The following BTNL8 variants were observed in gnomAD, a reference collection of about 807,000 sequenced individuals.
BTNL8 encodes the protein butyrophilin-like protein 8.
BTNL8 carries 22 observed loss-of-function variants against 36.1 expected under a neutral mutation model. The observed-to-expected ratio is 0.61, with a 90% CI of 0.44 to 0.87. The LOEUF (loss-of-function observed/expected upper bound fraction) is 0.87. Among genes scored for constraint, BTNL8 ranks in the 40% least tolerant of loss-of-function variants. The probability of loss-of-function intolerance (pLI) is 0.00; values close to 1 mark genes in which losing one functional copy is unlikely to be tolerated. For missense variants in BTNL8, 526 were observed against 616.9 expected (o/e 0.85, Z 1.56); for synonymous variants, 203 against 235.6 (o/e 0.86, Z 1.27).
chr5:180,908,632 G>C lies in BTNL8; in HGVS notation c.96G>C (p.Val32=), dbSNP rs368597376. The part of the protein sequence containing the change: ...FGPDKPVQAL[V]GEDAAFSCFL... Reference sequence around the variant, plus strand: ...CAGACAAGCCTGTCCAGGCCTTGGTGGGGGAGGACGCAGCATTCTCCTGTT... The same window carrying C: ...CAGACAAGCCTGTCCAGGCCTTGGTCGGGGAGGACGCAGCATTCTCCTGTT... The change falls in exon 2 of 8, where the codon GTG becomes GTC. Residue 32 remains valine (V), a synonymous_variant. Coordinates refer to ENST00000340184, the MANE Select transcript of BTNL8 (RefSeq NM_001040462.3). 14 of 1,614,096 alleles carry C rather than the reference G, an allele frequency of 8.7e-6. No individual in the cohort carries two copies. The highest frequency in any genetic ancestry group is 8.0e-5 in the African/African-American group (6 of 74,928).
intron 1 of BTNL8, among the ~76,000 whole-genome samples, chr5:180,906,006 G>T (rs1757064359): frequency 7.1e-6 from 1 of 140,832 alleles, no homozygotes. Context: ...CTGTTGATTT[G>T]CGGTGGAGAG....
At chr5:180,910,249 GA>G (rs145852463) in intron 2 of BTNL8, among the ~76,000 whole-genome samples, 9 of 142,534 alleles carry the variant, frequency 6.3e-5, no homozygotes, top group East Asian at 2.0e-4. Flanking sequence ...AAAGCAAAAA[GA>G]AAAAAAAAAA....
intron 3 of BTNL8, among the ~76,000 whole-genome samples, chr5:180,934,630 A>G (rs1758559919): frequency 6.6e-6 from 1 of 152,202 alleles, no homozygotes; most frequent in East Asian, 1.9e-4. Context: ...GTGTGGCTAG[A>G]TCAGATGCAC....
rs1238353969 is a variant in BTNL8 at position 180,908,824 on chromosome 5, C to T, written c.288C>T (p.Arg96=). The T allele has an allele frequency of 6.2e-7, 1 of 1,614,138 alleles. No individual in the cohort carries two copies. The highest frequency in any genetic ancestry group is 2.2e-5 in the East Asian group (1 of 44,872). ...TGAAGGATTCTATTGCGGAGGGGCG[C>T]ATCTCTCTGAGGCTGGAAAACATTA... ...KLVKDSIAEG[R]ISLRLENITV... is the part of the protein sequence containing the mutation. Residue 96 remains arginine, a synonymous_variant, in exon 2 of 8, where the codon CGC becomes CGT. Coordinates refer to ENST00000340184, the MANE Select transcript of BTNL8 (RefSeq NM_001040462.3).
chr5:180,936,334 A>T (rs956380152), intron 3 of BTNL8, among the ~76,000 whole-genome samples: 2 of 152,184 alleles, frequency 1.3e-5, no homozygotes, highest in Non-Finnish European at 2.9e-5. Flanking sequence ...CATCTTATAT[A>T]TAGAAAATCC....
intron 7 of BTNL8, chr5:180,949,610 G>A: frequency 1.9e-6 from 1 of 528,260 alleles, no homozygotes; most frequent in Non-Finnish European, 3.3e-6. Flanking sequence ...GTTAGATAGT[G>A]GGGTCCCTCC....
At chr5:180,920,110 G>C (rs1355566134) in intron 3 of BTNL8, among the ~76,000 whole-genome samples, 2 of 152,140 alleles carry the variant, frequency 1.3e-5, no homozygotes, top group Non-Finnish European at 2.9e-5. Flanking sequence ...CATACTACCT[G>C]ATTTCAAATT....
chr5:180,900,428 G>A (rs141255032), intron 1 of BTNL8, among the ~76,000 whole-genome samples: 1 of 152,340 alleles, frequency 6.6e-6, no homozygotes, highest in East Asian at 1.9e-4. Context: ...AGCTGCACGG[G>A]TGCATGGCAT....
At chr5:180,941,110 G>GAGGAAGGA (rs1177352611) in intron 3 of BTNL8, among the ~76,000 whole-genome samples, 16,543 of 125,424 alleles carry the variant, frequency 0.13, 1,437 homozygotes, top group Middle Eastern at 0.2. Flanking sequence ...GGAAGGAAGG[G>GAGGAAGGA]AGGAAGGAAG....
intron 3 of BTNL8, among the ~76,000 whole-genome samples, chr5:180,925,673 A>G (rs889825852): frequency 6.6e-6 from 1 of 152,216 alleles, no homozygotes; most frequent in African/African-American, 2.4e-5. Flanking sequence ...TAACTAAAAC[A>G]AAAGGATTAT....
intron 3 of BTNL8, among the ~76,000 whole-genome samples, chr5:180,928,153 A>T (rs1251166542): frequency 1.3e-5 from 2 of 152,248 alleles, no homozygotes; most frequent in Non-Finnish European, 2.9e-5. Flanking sequence ...AAACCCTACA[A>T]GCCAGAAGAG....
Position 180,908,744 on chromosome 5 carries a change from G to A in BTNL8, c.208G>A (p.Gly70Arg), listed in dbSNP as rs139672035. Reference protein sequence around the residue: ...FSSVVHLYRDGKDQPFMQMPQ... With the variant: ...FSSVVHLYRDRKDQPFMQMPQ... ...TAGCGTGGTCCACCTCTACAGGGAC[G>A]GGAAGGACCAGCCATTTATGCAGAT... Residue 70 changes from glycine (G) to arginine (R), a missense_variant, in exon 2 of 8, where the codon GGG (glycine) becomes AGG (arginine). By Grantham distance (125) the Gly-to-Arg change is moderately radical. Around this residue, in one of 2 missense-constraint regions of BTNL8, gnomAD observed 350 missense variants for 324.6 expected, o/e 1.08. Transcript: ENST00000340184. 101 of 1,614,046 alleles carry A rather than the reference G, an allele frequency of 6.3e-5. No homozygotes were observed. The highest frequency in any genetic ancestry group is 3.3e-4 in the Middle Eastern group (2 of 6,084).
intron 3 of BTNL8, among the ~76,000 whole-genome samples, chr5:180,928,167 G>A (rs1758192396): frequency 6.6e-6 from 1 of 152,250 alleles, no homozygotes; most frequent in South Asian, 2.1e-4. Flanking sequence ...AGAAGAGAGT[G>A]AGGGCTAATA....
At chr5:180,939,067 C>T (rs970515136) in intron 3 of BTNL8, among the ~76,000 whole-genome samples, 5 of 151,916 alleles carry the variant, frequency 3.3e-5, no homozygotes, top group African/African-American at 9.7e-5. Context: ...AGAAAGGAAT[C>T]AAATTTTATC....
intron 3 of BTNL8, among the ~76,000 whole-genome samples, chr5:180,914,145 G>A (rs1757522646): frequency 6.6e-6 from 1 of 152,220 alleles, no homozygotes; most frequent in African/African-American, 2.4e-5. Context: ...GCACTATTAA[G>A]AGGTGGGCTT....
chr5:180,906,281 CTTCT>C (rs1477810518), intron 1 of BTNL8, among the ~76,000 whole-genome samples: 2 of 146,014 alleles, frequency 1.4e-5, no homozygotes, highest in Non-Finnish European at 3.0e-5. Context: ...ATGTAATGGC[CTTCT>C]TTGTCTCTTT....
chr5:180,915,819 T>C (rs1462222016), intron 3 of BTNL8, among the ~76,000 whole-genome samples: 2 of 152,200 alleles, frequency 1.3e-5, no homozygotes, highest in African/African-American at 4.8e-5. Flanking sequence ...GAAAAAGCAT[T>C]TGACAACATT....
At chr5:180,902,520 T>G in intron 1 of BTNL8, 2 of 951,818 alleles carry the variant, frequency 2.1e-6, no homozygotes, top group Non-Finnish European at 3.2e-6. Flanking sequence ...ATAAAGGGTT[T>G]TTTTTTTTGT....
chr5:180,909,621 C>T (rs1253672556), intron 2 of BTNL8: 5 of 974,722 alleles, frequency 5.1e-6, no homozygotes, highest in South Asian at 4.7e-5. Flanking sequence ...GGCTCAAGCC[C>T]GTAATCCCAA....
Sources: gnomAD v4.1 joint callset for allele counts (sites outside exome capture counted in the v4.1 genomes callset) on GRCh38, gnomAD v4.1.1 for gene constraint, gnomAD v4.1.1 regional missense constraint, MANE v1.5 for transcripts, NCBI Gene and HGNC (gene_info 2026-07-23, HGNC 2026-07-21) for gene names.